SRSF12: variants seen among roughly 807,000 people sequenced by gnomAD.
SRSF12 encodes the protein serine/arginine-rich splicing factor 12.
In SRSF12, 21 loss-of-function variants were observed where a neutral mutation model predicts 34.1. That is an observed-to-expected ratio of 0.62 (90% CI 0.44 to 0.89). The LOEUF (loss-of-function observed/expected upper bound fraction) is 0.89. SRSF12 is among the 40% of genes least tolerant of loss of function. SRSF12 has a pLI of 0.00. For missense variants in SRSF12, 278 were observed against 327.8 expected (o/e 0.85, Z 1.17); for synonymous variants, 111 against 110.8 (o/e 1.00, Z -0.01).
Position 89,113,415 on chromosome 6 carries a change from G to A in SRSF12, c.65+4408C>T, listed in dbSNP as rs148149530. Among the ~76,000 whole-genome samples, 1,379 of 152,040 alleles carry A rather than the reference G, an allele frequency of 9.1e-3. 7 individuals carry two copies. The highest frequency in any genetic ancestry group is 0.013 in the Non-Finnish European group (859 of 67,954). On this transcript the variant is annotated intron_variant, in intron 1 of 4. Coordinates refer to ENST00000452027, the MANE Select transcript of SRSF12 (RefSeq NM_080743.5). ...TCTCGAACTCCTGACCTCGTGATCCGCCCACTTTGGCCTCCCAAAGTGCTG... is the reference window on the plus strand; with the variant it reads ...TCTCGAACTCCTGACCTCGTGATCCACCCACTTTGGCCTCCCAAAGTGCTG...
rs1039772921 is a variant in SRSF12, at chr6:89,116,704, G to A, written c.65+1119C>T. Reference sequence around the variant, plus strand: ...GCAGGAGAATCGCTTGAACCCGGGAGGCAGAGGTTGCAGCCAACCAAGATC... The same window carrying A: ...GCAGGAGAATCGCTTGAACCCGGGAAGCAGAGGTTGCAGCCAACCAAGATC... On this transcript the variant is annotated intron_variant, in intron 1 of 4. Coordinates refer to ENST00000452027, the MANE Select transcript of SRSF12 (RefSeq NM_080743.5). 2.6e-5 allele frequency among the ~76,000 whole-genome samples: 4 copies of A among 151,786 alleles called. No individual in the cohort carries two copies. The East Asian group carries it at 5.8e-4, about 22-fold the overall frequency.
intron 4 of SRSF12, among the ~76,000 whole-genome samples, chr6:89,099,271 A>G (rs966776727): frequency 6.6e-6 from 1 of 151,934 alleles, no homozygotes; most frequent in African/African-American, 2.4e-5. Flanking sequence ...GATTAAAAAA[A>G]TCAATTATTT....
At chr6:89,107,120 T>G in intron 2 of SRSF12, 34 bp downstream of exon 2, 1 of 1,548,988 alleles carries the variant, frequency 6.5e-7, no homozygotes. Flanking sequence ...GCATATACAG[T>G]ATATTCACAT....
Position 89,097,874 on chromosome 6 carries a change from A to T in SRSF12, c.*704T>A, listed in dbSNP as rs534150389. On this transcript the variant is annotated 3_prime_UTR_variant, in exon 5 of 5. Coordinates refer to ENST00000452027, the MANE Select transcript of SRSF12 (RefSeq NM_080743.5). Reference sequence around the variant, plus strand: ...TGGATTGTGAGTGTTGCTCAGCCTAATTTTTAAAGAATTAGTCTCAAACCA... The same window carrying T: ...TGGATTGTGAGTGTTGCTCAGCCTATTTTTTAAAGAATTAGTCTCAAACCA... 6.6e-6 allele frequency: 1 copy of T among 152,308 alleles called. No individual in the cohort carries two copies. Among genetic ancestry groups the T allele is most frequent in the Admixed American group, 6.5e-5 (1 of 15,290 alleles). The allele number at this position is 152,308 out of a possible 1,614,324, so 9.4% of individuals were successfully genotyped here. A position where few individuals can be genotyped will look rare whatever the true frequency, so the allele number is the denominator to read the frequency against.
Position 89,105,176 on chromosome 6 carries a change from GTTC to G in SRSF12, c.356_358del (p.Arg119del), listed in dbSNP as rs569581969. 2.1e-3 allele frequency: 3,360 copies of G among 1,612,432 alleles called. 16 individuals carry two copies. Among genetic ancestry groups the G allele is most frequent in the Middle Eastern group, 8.7e-3 (53 of 6,058 alleles). ...TCCCCATGAAGAACTTCTACTTCGA[GTTC>G]TTCTTTGGCTGGGGCTTCTTGATCT... On this transcript the variant is annotated inframe_deletion, in exon 4 of 5. Coordinates refer to ENST00000452027, the MANE Select transcript of SRSF12 (RefSeq NM_080743.5).
At chr6:89,100,802 T>C (rs1004996857) in intron 4 of SRSF12, among the ~76,000 whole-genome samples, 9 of 152,170 alleles carry the variant, frequency 5.9e-5, no homozygotes, top group Non-Finnish European at 1.3e-4. Flanking sequence ...GCAATCTAGA[T>C]ATAGCAGAAG....
In SRSF12 at chr6:89,117,997, C is replaced by CCCCG. The variant is rs1769398114; in HGVS notation, c.-111_-110insCGGG. 1 of 1,206,616 alleles carries CCCCG rather than the reference C, an allele frequency of 8.3e-7. No individual in the cohort carries two copies. Among genetic ancestry groups the CCCCG allele is most frequent in the Non-Finnish European group, 1.1e-6 (1 of 879,592 alleles). 74.7% of individuals were successfully genotyped at this position (1,206,616 alleles called of 1,614,324 possible). On this transcript the variant is annotated 5_prime_UTR_variant, in exon 1 of 5. Coordinates refer to ENST00000452027, the MANE Select transcript of SRSF12 (RefSeq NM_080743.5). ...CTCCGCCGGCCCCCGGCGCGACCCCCACCCCTCGGCCTCAGCCCCGCCAGC... is the reference window on the plus strand; with the variant it reads ...CTCCGCCGGCCCCCGGCGCGACCCCCCCCGACCCCTCGGCCTCAGCCCCGCCAGC...
intron 1 of SRSF12, among the ~76,000 whole-genome samples, chr6:89,107,733 C>T (rs1333645774): frequency 6.6e-6 from 1 of 151,842 alleles, no homozygotes; most frequent in Non-Finnish European, 1.5e-5. Flanking sequence ...GAGTGAGACC[C>T]TGTCTCAAAA....
chr6:89,115,730 G>A (rs896688472), intron 1 of SRSF12, among the ~76,000 whole-genome samples: 2 of 149,082 alleles, frequency 1.3e-5, no homozygotes, highest in Non-Finnish European at 1.5e-5. Context: ...TCCGCCTCCC[G>A]GGTTCACACC....
chr6:89,104,199 T>C (rs1294852092), intron 4 of SRSF12, among the ~76,000 whole-genome samples: 1 of 150,186 alleles, frequency 6.7e-6, no homozygotes, highest in African/African-American at 2.4e-5. Context: ...TTTAGGAAAA[T>C]TTTATTTATC....
In SRSF12 at chr6:89,105,462, T is replaced by C. The variant is rs752000227; in HGVS notation, c.239A>G (p.Gln80Arg). 6.2e-7 allele frequency: 1 copy of C among 1,611,058 alleles called. No homozygotes were observed. The highest frequency in any genetic ancestry group is 8.5e-7 in the Non-Finnish European group (1 of 1,179,114). ...NLNRKWVCGR[Q>R]IEIQFAQGDR... ...ACCTTGTGCAAACTGTATTTCAATCTGACGGCCACATACCCACTTTCTATT... is the reference window on the plus strand; with the variant it reads ...ACCTTGTGCAAACTGTATTTCAATCCGACGGCCACATACCCACTTTCTATT... Residue 80 changes from glutamine to arginine, a missense_variant, in exon 3 of 5, where the codon CAG becomes CGG. Transcript: ENST00000452027.
intron 4 of SRSF12, among the ~76,000 whole-genome samples, chr6:89,103,611 G>A (rs780473971): frequency 1.3e-5 from 2 of 152,064 alleles, no homozygotes; most frequent in East Asian, 1.9e-4. Flanking sequence ...GATTACAGGC[G>A]TAAGCCACTG....
intron 1 of SRSF12, among the ~76,000 whole-genome samples, chr6:89,115,631 CTTTTT>C (rs760005395): frequency 4.7e-5 from 6 of 129,002 alleles, no homozygotes; most frequent in African/African-American, 1.8e-4. Flanking sequence ...TTTTTTCTTT[CTTTTT>C]TTTTTTTTTT....
chr6:89,100,310 TAAC>T (rs886760563), intron 4 of SRSF12, among the ~76,000 whole-genome samples: 1 of 152,110 alleles, frequency 6.6e-6, no homozygotes, highest in Admixed American at 6.5e-5. Flanking sequence ...GAACATTAGG[TAAC>T]AACCCAGAAG....
chr6:89,116,025 T>C (rs1239239576), intron 1 of SRSF12, among the ~76,000 whole-genome samples: 1 of 152,218 alleles, frequency 6.6e-6, no homozygotes, highest in East Asian at 1.9e-4. Context: ...TCTTTACAAC[T>C]AGTAAGATAT....
Position 89,107,230 on chromosome 6 carries a change from G to T in SRSF12, c.94C>A (p.Arg32=). 6.2e-7 allele frequency: 1 copy of T among 1,613,918 alleles called. No homozygotes were observed. The highest frequency in any genetic ancestry group is 1.1e-5 in the South Asian group (1 of 91,052). ...TAAACGTCTACTATAGGGCCATATC[G>T]ACCAAACTCACGGCGCAAGTCCTCA... The part of the protein sequence containing the change: ...RPEDLRREFG[R]YGPIVDVYIP... Residue 32 remains arginine, a synonymous_variant, in exon 2 of 5, where the codon CGA becomes AGA. Transcript: ENST00000452027.
intron 1 of SRSF12, among the ~76,000 whole-genome samples, chr6:89,115,493 G>T (rs952059299): frequency 1.3e-5 from 2 of 151,654 alleles, no homozygotes; most frequent in Non-Finnish European, 2.9e-5. Context: ...GGTAGGCCAG[G>T]TTGGTCTCGA....
chr6:89,099,450 ATGTGTGTATATATG>A (rs1212387923), intron 4 of SRSF12, among the ~76,000 whole-genome samples: 4 of 138,690 alleles, frequency 2.9e-5, no homozygotes, highest in East Asian at 2.4e-4. Flanking sequence ...ACACATATAT[ATGTGTGTATATATG>A]TGTGTGTATA....
intron 4 of SRSF12, 29 bp from the exon 5 acceptor site, chr6:89,098,976 T>G (rs767921907): frequency 6.4e-7 from 1 of 1,571,392 alleles, no homozygotes; most frequent in Non-Finnish European, 8.6e-7. Context: ...TTAGAGCATA[T>G]ATTTCACACA....
Sources: gnomAD v4.1 joint callset for allele counts (sites outside exome capture counted in the v4.1 genomes callset) on GRCh38, gnomAD v4.1.1 for gene constraint, MANE v1.5 for transcripts, NCBI Gene and HGNC (gene_info 2026-07-23, HGNC 2026-07-21) for gene names.